The following ANTXR1 variants were observed in gnomAD, a reference collection of about 807,000 sequenced individuals.
The protein encoded by ANTXR1 is ANTXR cell adhesion molecule 1.
ANTXR1 carries 19 observed loss-of-function variants against 78.1 expected under a neutral mutation model. The observed-to-expected ratio is 0.24, with a 90% confidence interval of 0.17 to 0.36. The LOEUF (loss-of-function observed/expected upper bound fraction) is 0.36. Among genes scored for constraint, ANTXR1 ranks in the 10% least tolerant of loss-of-function variants. The probability of loss-of-function intolerance (pLI) is 1.00; values close to 1 mark genes in which losing one functional copy is unlikely to be tolerated. For missense variants in ANTXR1, 518 were observed against 718.6 expected, an observed-to-expected ratio of 0.72 and a Z score of 3.19; for synonymous variants, 273 against 260.5, an observed-to-expected ratio of 1.05 and a Z score of -0.46.
intron 17 of ANTXR1, among the ~76,000 whole-genome samples, chr2:69,194,742 A>G (rs1674623648): frequency 6.6e-6 from 1 of 152,174 alleles, no homozygotes; most frequent in Non-Finnish European, 1.5e-5. Context: ...AATCCCAGCT[A>G]CTCAGGAGAC....
At chr2:69,136,379 T>G (rs958835819) in intron 12 of ANTXR1, among the ~76,000 whole-genome samples, 12 of 152,322 alleles carry the variant, frequency 7.9e-5, no homozygotes, top group African/African-American at 2.6e-4. Context: ...AAAGCAGTCA[T>G]GTACTGTAAG....
chr2:69,227,260 C>T (rs1315463069), intron 17 of ANTXR1, among the ~76,000 whole-genome samples: 3 of 152,150 alleles, frequency 2.0e-5, no homozygotes, highest in Non-Finnish European at 4.4e-5. Context: ...GAGAGGCACT[C>T]TGGCAGGATC....
intron 12 of ANTXR1, among the ~76,000 whole-genome samples, chr2:69,125,610 G>A (rs1370052584): frequency 1.3e-5 from 2 of 152,178 alleles, no homozygotes; most frequent in Admixed American, 1.3e-4. Context: ...GGAGGCTGAG[G>A]TGCATGGATC....
chr2:69,110,001 G>T (rs1028413803), intron 10 of ANTXR1, among the ~76,000 whole-genome samples: 1 of 152,110 alleles, frequency 6.6e-6, no homozygotes, highest in African/African-American at 2.4e-5. Flanking sequence ...GTGAGTAAAA[G>T]ATATGCAAAG....
chr2:69,090,742 G>A (rs753841686), intron 8 of ANTXR1, 117 bp from the exon 9 acceptor site: 49 of 981,278 alleles, frequency 5.0e-5, no homozygotes, highest in Middle Eastern at 4.1e-4. Flanking sequence ...CACCCCCACC[G>A]CAACCAAATG....
At chr2:69,043,649 A>G (rs1263363393) in intron 2 of ANTXR1, among the ~76,000 whole-genome samples, 2 of 152,248 alleles carry the variant, frequency 1.3e-5, no homozygotes, top group African/African-American at 2.4e-5. Flanking sequence ...ATGTGGTAAT[A>G]AATGCAGACT....
At chr2:69,238,678 G>C (rs898948989) in intron 17 of ANTXR1, among the ~76,000 whole-genome samples, 1 of 152,202 alleles carries the variant, frequency 6.6e-6, no homozygotes, top group Non-Finnish European at 1.5e-5. Context: ...AGTAACTTGA[G>C]AAATACCTAC....
At chr2:69,169,019 A>G (rs532207924) in intron 13 of ANTXR1, among the ~76,000 whole-genome samples, 146 of 152,360 alleles carry the variant, frequency 9.6e-4, no homozygotes, top group African/African-American at 3.4e-3. Context: ...GTTATCAATA[A>G]TGGTAGGGTG....
intron 8 of ANTXR1, among the ~76,000 whole-genome samples, chr2:69,086,173 C>T (rs1012293840): frequency 6.6e-6 from 1 of 152,128 alleles, no homozygotes; most frequent in African/African-American, 2.4e-5. Flanking sequence ...AAGCAAGAAG[C>T]AGAGCAAGTA....
At chr2:69,179,221 A>G (rs1315207552) in intron 14 of ANTXR1, among the ~76,000 whole-genome samples, 2 of 152,154 alleles carry the variant, frequency 1.3e-5, no homozygotes, top group Non-Finnish European at 2.9e-5. Flanking sequence ...TGTGTTGGGG[A>G]CTTTATTTTG....
chr2:69,156,368 T>C (rs1673525009), intron 13 of ANTXR1, among the ~76,000 whole-genome samples: 1 of 152,184 alleles, frequency 6.6e-6, no homozygotes, highest in African/African-American at 2.4e-5. Flanking sequence ...TCTTCGTTTC[T>C]TCCTTTCTCA....
intron 12 of ANTXR1, among the ~76,000 whole-genome samples, chr2:69,130,058 C>T (rs1672684658): frequency 6.6e-6 from 1 of 152,162 alleles, no homozygotes; most frequent in African/African-American, 2.4e-5. Flanking sequence ...GCATCCATTT[C>T]TGGGGCCTTT....
chr2:69,163,176 G>A (rs982422237), intron 13 of ANTXR1, among the ~76,000 whole-genome samples: 5 of 151,986 alleles, frequency 3.3e-5, no homozygotes, highest in Admixed American at 6.6e-5. Context: ...GAAACAAGAC[G>A]GAAGGAAGGA....
intron 17 of ANTXR1, among the ~76,000 whole-genome samples, chr2:69,212,301 C>T (rs887331397): frequency 1.3e-5 from 2 of 152,098 alleles, no homozygotes; most frequent in East Asian, 1.9e-4. Flanking sequence ...GGACCTTGGA[C>T]GTGGTACTTT....
intron 6 of ANTXR1, 122 bp from the exon 7 acceptor site, chr2:69,075,468 T>C (rs1004174177): frequency 3.2e-6 from 3 of 930,164 alleles, no homozygotes; most frequent in Admixed American, 3.4e-5. Flanking sequence ...TTCTCCAGTA[T>C]GGCACCAGGC....
intron 17 of ANTXR1, among the ~76,000 whole-genome samples, chr2:69,240,916 C>A (rs1675879546): frequency 6.6e-6 from 1 of 152,178 alleles, no homozygotes; most frequent in Non-Finnish European, 1.5e-5. Flanking sequence ...CTCCCACCAC[C>A]ATTAGATACA....
At chr2:69,018,091 G>A (rs1671075570) in intron 1 of ANTXR1, among the ~76,000 whole-genome samples, 1 of 152,032 alleles carries the variant, frequency 6.6e-6, no homozygotes, top group African/African-American at 2.4e-5. Context: ...GAGTGGAGAT[G>A]GTGGTCTGGA....
intron 14 of ANTXR1, among the ~76,000 whole-genome samples, chr2:69,178,366 G>A (rs1470333381): frequency 6.6e-6 from 1 of 152,218 alleles, no homozygotes; most frequent in African/African-American, 2.4e-5. Flanking sequence ...TCTGAGCTTG[G>A]CAGGCCAGCT....
chr2:69,232,154 C>T (rs766714025), intron 17 of ANTXR1, among the ~76,000 whole-genome samples: 1 of 152,106 alleles, frequency 6.6e-6, no homozygotes, highest in Non-Finnish European at 1.5e-5. Flanking sequence ...ACTTAATAAA[C>T]TCACAACCAC....
Sources: gnomAD v4.1 joint callset for allele counts (sites outside exome capture counted in the v4.1 genomes callset) on GRCh38, gnomAD v4.1.1 for gene constraint, MANE v1.5 for transcripts, NCBI Gene and HGNC (gene_info 2026-07-23, HGNC 2026-07-21) for gene names.